Variants in CIBAR1 observed in about 807,000 individuals in gnomAD.
CIBAR1 encodes the protein CBY1 interacting BAR domain containing 1.
A neutral mutation model predicts 44.0 loss-of-function variants in CIBAR1; 25 were observed. The ratio of observed to expected loss-of-function variants is 0.57; its 90% CI spans 0.41 to 0.79. CIBAR1 has a LOEUF of 0.79. Ranked by LOEUF, CIBAR1 falls within the 30% of genes least tolerant of loss-of-function variation. The pLI, the probability that CIBAR1 is intolerant of heterozygous loss-of-function variation, is 0.00. For missense variants in CIBAR1, 278 were observed against 344.8 expected (o/e 0.81, Z 1.53); for synonymous variants, 115 against 119.0 (o/e 0.97, Z 0.22).
intron 7 of CIBAR1, chr8:93,719,503 C>T (rs1446706981): frequency 6.6e-6 from 1 of 152,174 alleles, no homozygotes; most frequent in Non-Finnish European, 1.5e-5. Context: ...GTGGTAGGTG[C>T]TGCTATAACT....
intron 7 of CIBAR1, among the ~76,000 whole-genome samples, chr8:93,722,068 G>A (rs1050574727): frequency 6.6e-6 from 1 of 152,156 alleles, no homozygotes; most frequent in Admixed American, 6.5e-5. Flanking sequence ...GCACAGTATA[G>A]GGCACGAGCA....
chr8:93,727,183 T>C (rs778190246), intron 8 of CIBAR1: 1 of 1,288,998 alleles, frequency 7.8e-7, no homozygotes. Context: ...GCTATGCCCT[T>C]TTCATATCTA....
intron 7 of CIBAR1, among the ~76,000 whole-genome samples, chr8:93,721,535 T>A (rs193026726): frequency 1.8e-4 from 28 of 152,324 alleles, no homozygotes; most frequent in African/African-American, 6.5e-4. Context: ...GATTTTTTTT[T>A]AATATCAACT....
chr8:93,711,743 G>A (rs780455369), intron 6 of CIBAR1, among the ~76,000 whole-genome samples: 13 of 152,150 alleles, frequency 8.5e-5, no homozygotes, highest in African/African-American at 3.1e-4. Context: ...CTCCATCATT[G>A]TTCCTCAGAC....
At chr8:93,722,295 G>C (rs988460454) in intron 7 of CIBAR1, among the ~76,000 whole-genome samples, 9 of 152,210 alleles carry the variant, frequency 5.9e-5, no homozygotes, top group Non-Finnish European at 1.2e-4. Flanking sequence ...TATTCTTCCA[G>C]ATAGTCCATG....
In CIBAR1 at chr8:93,731,284, T is replaced by C. The variant is rs1811782244; in HGVS notation, c.*2987T>C. 1 of 152,250 alleles carries C rather than the reference T, an allele frequency of 6.6e-6. No individual in the cohort carries two copies. Among genetic ancestry groups the C allele is most frequent in the Admixed American group, 6.5e-5 (1 of 15,282 alleles). 9.4% of individuals were successfully genotyped at this position (152,250 alleles called of 1,614,324 possible). A position where few individuals can be genotyped will look rare whatever the true frequency, so the allele number is the denominator to read the frequency against. On this transcript the variant is annotated 3_prime_UTR_variant, in exon 9 of 9. Transcript: ENST00000518322. The stretch of plus-strand genomic sequence containing the variant: ...AAGTAATCCCTCACGTTAAGCTTCA[T>C]CTTAGCTTTATTCCTTTGTATCTGA...
chr8:93,701,407 G>T lies in CIBAR1; in HGVS notation c.210G>T (p.Leu70=). ...ATETPHLKLG[L]MNFADEFAKL... ...AGACCCCGCATTTAAAGCTGGGCCT[G>T]ATGAACTTTGCAGATGAGTTTGCCA... is the stretch of plus-strand genomic sequence containing the variant. Residue 70 remains leucine (L), a synonymous_variant, in exon 2 of 9, where the codon CTG becomes CTT. Coordinates refer to ENST00000518322, the MANE Select transcript of CIBAR1 (RefSeq NM_145269.5). 1 of 1,613,772 alleles carries T rather than the reference G, an allele frequency of 6.2e-7. No homozygotes were observed. The highest frequency in any genetic ancestry group is 1.1e-5 in the South Asian group (1 of 91,048).
rs200907610 is a variant in CIBAR1 at position 93,707,972 on chromosome 8, C to G, written c.433-39C>G. On this transcript the variant is annotated intron_variant, in intron 4 of 8. Transcript: ENST00000518322. Reference sequence around the variant, plus strand: ...AATTTATTGAAAAAGCTGTTATACTCTCTTTGAAATGTATTTTTTCCTTTA... The same window carrying G: ...AATTTATTGAAAAAGCTGTTATACTGTCTTTGAAATGTATTTTTTCCTTTA... The G allele has an allele frequency of 1.1e-4, 164 of 1,466,352 alleles. No homozygotes were observed. In the East Asian group the frequency reaches 3.5e-3, roughly 31 times the overall value. 90.8% of individuals were successfully genotyped at this position (1,466,352 alleles called of 1,614,324 possible). A position where few individuals can be genotyped will look rare whatever the true frequency, so the allele number is the denominator to read the frequency against.
At chr8:93,711,591 C>T (rs1478596147) in intron 6 of CIBAR1, among the ~76,000 whole-genome samples, 2 of 152,156 alleles carry the variant, frequency 1.3e-5, no homozygotes, top group South Asian at 2.1e-4. Flanking sequence ...TGCTGACATT[C>T]CCTCTTAAAC....
At chr8:93,704,655 T>TAGA (rs1810507028) in intron 3 of CIBAR1, among the ~76,000 whole-genome samples, 1 of 152,198 alleles carries the variant, frequency 6.6e-6, no homozygotes, top group African/African-American at 2.4e-5. Flanking sequence ...AATTACACAT[T>TAGA]TATATGCATA....
At chr8:93,720,655 G>C (rs1811228362) in intron 7 of CIBAR1, 2 of 152,238 alleles carry the variant, frequency 1.3e-5, no homozygotes, top group South Asian at 4.2e-4. Context: ...TGGATCACCT[G>C]AGGTCAGGAG....
rs534097356 is a variant in CIBAR1, at chr8:93,731,383, A to G, written c.*3086A>G. 1.8e-4 allele frequency: 28 copies of G among 152,232 alleles called. No individual in the cohort carries two copies. The highest frequency in any genetic ancestry group is 5.9e-4 in the Admixed American group (9 of 15,276). The allele number at this position is 152,232 out of a possible 1,614,324, so 9.4% of individuals were successfully genotyped here. ...GAACCATCTATACAATCTTTGCTCA[A>G]TTAAAAATATCATTTCTACTTTCTT... On this transcript the variant is annotated 3_prime_UTR_variant, in exon 9 of 9. Transcript: ENST00000518322.
Position 93,708,013 on chromosome 8 carries a change from A to G in CIBAR1, c.435A>G (p.Ser145=). ...QRNPSDRHVI[S]QAETELQRAA... is the part of the protein sequence containing the mutation. Reference sequence around the variant, plus strand: ...TTTTCCTTTATGAAAAATTTCAGTCACAGGTGGGTAATAAAGTGGTGTGTC... The same window carrying G: ...TTTTCCTTTATGAAAAATTTCAGTCGCAGGTGGGTAATAAAGTGGTGTGTC... The change falls in exon 5 of 9, where the codon TCA becomes TCG. Residue 145 remains serine, a splice_region_variant and synonymous_variant. Transcript: ENST00000518322. 7 of 1,567,836 alleles carry G rather than the reference A, an allele frequency of 4.5e-6. No homozygotes were observed. Among genetic ancestry groups the G allele is most frequent in the Non-Finnish European group, 6.0e-6 (7 of 1,161,386 alleles).
At chr8:93,724,271 G>T (rs1314847393) in intron 7 of CIBAR1, among the ~76,000 whole-genome samples, 2 of 152,142 alleles carry the variant, frequency 1.3e-5, no homozygotes, top group Non-Finnish European at 2.9e-5. Flanking sequence ...GCTGTGAAGG[G>T]TATGTAGAGT....
chr8:93,702,956 G>A (rs571659260), intron 2 of CIBAR1, among the ~76,000 whole-genome samples: 1 of 151,866 alleles, frequency 6.6e-6, no homozygotes, highest in Non-Finnish European at 1.5e-5. Flanking sequence ...TCTCTCTTCA[G>A]TGCCTTCCAC....
rs748816700 is a variant in CIBAR1 at position 93,708,011 on chromosome 8, T to A, written c.433T>A (p.Ser145Thr). The change falls in exon 5 of 9, where the codon TCA (serine) becomes ACA (threonine). Residue 145 changes from serine (S) to threonine (T), a missense_variant and splice_region_variant. Ser to Thr is a moderately conservative substitution (Grantham distance 58). This residue lies in a region of CIBAR1 where 183 missense variants were observed against 218.6 expected (regional missense o/e 0.84). Coordinates refer to ENST00000518322, the MANE Select transcript of CIBAR1 (RefSeq NM_145269.5). ...QRNPSDRHVI[S>T]QAETELQRAA... ...TTTTTTCCTTTATGAAAAATTTCAG[T>A]CACAGGTGGGTAATAAAGTGGTGTG... 2.6e-6 allele frequency: 4 copies of A among 1,567,878 alleles called. No homozygotes were observed. The highest frequency in any genetic ancestry group is 2.6e-6 in the Non-Finnish European group (3 of 1,161,534).
In CIBAR1 at chr8:93,726,208, G is replaced by C. The variant is rs576741299; in HGVS notation, c.658-186G>C. 8.0e-4 allele frequency: 413 copies of C among 515,600 alleles called. 4 individuals carry two copies. In the South Asian group the frequency reaches 8.9e-3, roughly 11 times the overall value. The allele number at this position is 515,600 out of a possible 1,614,324, so 31.9% of individuals were successfully genotyped here. On this transcript the variant is annotated intron_variant, in intron 7 of 8. Coordinates refer to ENST00000518322, the MANE Select transcript of CIBAR1 (RefSeq NM_145269.5). Reference sequence around the variant, plus strand: ...GTCATCATCTTACATAGTTCAAATAGAATTTTTAGCTTTCATCTTTCTAGC... The same window carrying C: ...GTCATCATCTTACATAGTTCAAATACAATTTTTAGCTTTCATCTTTCTAGC...
In CIBAR1 at chr8:93,709,817, G is replaced by A; in HGVS notation, c.485G>A (p.Ser162Asn). Residue 162 changes from serine (S) to asparagine (N), a missense_variant, in exon 6 of 9, where the codon AGT (serine) becomes AAT (asparagine). By Grantham distance (46) the Ser-to-Asn change is conservative. Coordinates refer to ENST00000518322, the MANE Select transcript of CIBAR1 (RefSeq NM_145269.5). ...QRAAMDASRT[S>N]RHLEETINNF... ...GCTGCAATGGATGCTAGCCGAACAAGTCGTCATCTGGAGGAAACTATTAAC... is the reference window on the plus strand; with the variant it reads ...GCTGCAATGGATGCTAGCCGAACAAATCGTCATCTGGAGGAAACTATTAAC... The A allele has an allele frequency of 6.2e-7, 1 of 1,613,384 alleles. No individual in the cohort carries two copies. The highest frequency in any genetic ancestry group is 8.5e-7 in the Non-Finnish European group (1 of 1,179,752).
intron 7 of CIBAR1, 112 bp from the exon 8 acceptor site, chr8:93,726,282 C>T: frequency 1.8e-5 from 15 of 850,452 alleles, no homozygotes; most frequent in East Asian, 5.9e-5. Flanking sequence ...GGAATTTTGT[C>T]CATTTGGGGG....
Sources: allele counts gnomAD v4.1 joint callset (sites outside exome capture counted in the v4.1 genomes callset), GRCh38; gene constraint gnomAD v4.1.1; regional missense constraint gnomAD v4.1.1; transcripts MANE v1.5; gene names NCBI Gene and HGNC (gene_info 2026-07-23, HGNC 2026-07-21).